Variants in EPHA6 observed in about 807,000 individuals in gnomAD.
EPHA6 encodes EPH receptor A6, also known as ephrin type-A receptor 6.
EPHA6 carries 50 observed loss-of-function variants against 112.0 expected under a neutral mutation model. The observed-to-expected ratio is 0.45, with a 90% CI of 0.36 to 0.56. EPHA6 has a LOEUF of 0.56. Ranked by LOEUF, EPHA6 falls within the 20% of genes least tolerant of loss-of-function variation. The pLI is 0.00. For synonymous variants in EPHA6, 529 were observed against 490.7 expected, an observed-to-expected ratio of 1.08 and a Z score of -1.03; for missense variants, 1,280 against 1,417.4, an observed-to-expected ratio of 0.90 and a Z score of 1.56.
chr3:97,325,220 C>T (rs1486095511), intron 5 of EPHA6, among the ~76,000 whole-genome samples: 1 of 152,062 alleles, frequency 6.6e-6, no homozygotes, highest in Non-Finnish European at 1.5e-5. Flanking sequence ...TAATCAAGCA[C>T]CATCGACTAT....
Position 97,187,648 on chromosome 3 carries a change from G to GAGAA in EPHA6, c.1115-38605_1115-38602dup, listed in dbSNP as rs1175135414. Among the ~76,000 whole-genome samples the GAGAA allele has an allele frequency of 4.0e-5, 5 of 124,834 alleles. 1 individual carries two copies. The highest frequency in any genetic ancestry group is 8.4e-5 in the Non-Finnish European group (5 of 59,504). The allele number at this position is 124,834 out of a possible 152,430, so 81.9% of individuals were successfully genotyped here. On this transcript the variant is annotated intron_variant, in intron 3 of 17. Coordinates refer to ENST00000389672, the MANE Select transcript of EPHA6 (RefSeq NM_001080448.3). ...GAAAGGGAAGAAAGAAAAAGAGAGA[G>GAGAA]AGAAAGAAAGAAAGGAAAGAAAGAA...
At chr3:97,660,276 A>T (rs1433158486) in intron 14 of EPHA6, among the ~76,000 whole-genome samples, 1 of 152,074 alleles carries the variant, frequency 6.6e-6, no homozygotes, top group Non-Finnish European at 1.5e-5. Context: ...TGTGAGATTA[A>T]TCTAGGTCAC....
intron 3 of EPHA6, among the ~76,000 whole-genome samples, chr3:97,072,707 A>T (rs373227061): frequency 2.0e-5 from 3 of 152,132 alleles, no homozygotes; most frequent in Admixed American, 1.3e-4. Flanking sequence ...ATAGAAAAAG[A>T]TCTTCATTGG....
At chr3:97,490,048 A>G (rs1029687352) in intron 10 of EPHA6, among the ~76,000 whole-genome samples, 1 of 152,168 alleles carries the variant, frequency 6.6e-6, no homozygotes, top group South Asian at 2.1e-4. Context: ...AAGTTGCCTC[A>G]TCATAGTCAT....
chr3:97,498,503 G>T (rs2092038046), intron 10 of EPHA6, among the ~76,000 whole-genome samples: 3 of 152,120 alleles, frequency 2.0e-5, no homozygotes, highest in Admixed American at 6.6e-5. Flanking sequence ...GGGTAGGGAA[G>T]AGAGTTAAAT....
chr3:97,018,305 G>A (rs558035309), intron 3 of EPHA6, among the ~76,000 whole-genome samples: 95 of 152,012 alleles, frequency 6.2e-4, no homozygotes, highest in African/African-American at 2.0e-3. Context: ...GTGCGGAGAC[G>A]AGAGAGTGTA....
chr3:97,580,851 A>G (rs896795178), intron 11 of EPHA6, among the ~76,000 whole-genome samples: 2 of 152,220 alleles, frequency 1.3e-5, no homozygotes, highest in African/African-American at 4.8e-5. Context: ...TTGAAACTGT[A>G]TAATGCCTGC....
At chr3:97,123,568 G>T (rs976773336) in intron 3 of EPHA6, among the ~76,000 whole-genome samples, 3 of 152,080 alleles carry the variant, frequency 2.0e-5, no homozygotes, top group Non-Finnish European at 4.4e-5. Flanking sequence ...GGTGGAGCTG[G>T]AACAGCCATT....
intron 3 of EPHA6, among the ~76,000 whole-genome samples, chr3:97,011,825 T>C (rs1364069181): frequency 6.6e-6 from 1 of 152,158 alleles, no homozygotes; most frequent in Non-Finnish European, 1.5e-5. Context: ...GTTTTCAGTG[T>C]CCATTGTTGC....
rs151302603 is a variant in EPHA6, at chr3:97,201,990, A to G, written c.1115-24274A>G. On this transcript the variant is annotated intron_variant, in intron 3 of 17. Coordinates refer to ENST00000389672, the MANE Select transcript of EPHA6 (RefSeq NM_001080448.3). ...TAGGCACTCTAATGGGCACATACAT[A>G]ACCAAACATGCTGATGATGCTGTTT... Among the ~76,000 whole-genome samples the G allele has an allele frequency of 3.4e-3, 516 of 152,222 alleles. 4 individuals are homozygous for G. The highest frequency in any genetic ancestry group is 0.011 in the African/African-American group (465 of 41,552).
rs561974386 is a variant in EPHA6, at chr3:97,323,503, A to G, written c.1606+79216A>G. On this transcript the variant is annotated intron_variant, in intron 5 of 17. Transcript: ENST00000389672. ...TGTCTAGTTAATATGTCAAATGATC[A>G]TGTTTGTATAAATTAGTACTCAGGT... Among the ~76,000 whole-genome samples the G allele has an allele frequency of 1.0e-3, 154 of 152,066 alleles. No individual in the cohort carries two copies. In the South Asian group the frequency reaches 0.013, roughly 13 times the overall value.
intron 10 of EPHA6, among the ~76,000 whole-genome samples, chr3:97,495,389 G>A (rs114903631): frequency 5.5e-4 from 84 of 151,380 alleles, no homozygotes; most frequent in African/African-American, 1.9e-3. Flanking sequence ...GGTAAAGAAT[G>A]TATATTCTAG....
chr3:97,560,725 G>GAGACATCTAAGA (rs2093177760), intron 11 of EPHA6: 1 of 151,992 alleles, frequency 6.6e-6, no homozygotes, highest in African/African-American at 2.4e-5. Flanking sequence ...TATGGACGTA[G>GAGACATCTAAGA]CATCTAAGAG....
chr3:97,222,315 T>C (rs2078231719), intron 3 of EPHA6, among the ~76,000 whole-genome samples: 1 of 152,176 alleles, frequency 6.6e-6, no homozygotes. Flanking sequence ...AATATTATAC[T>C]AAATGTTAAT....
chr3:97,714,798 C>T (rs1026074696), intron 14 of EPHA6, among the ~76,000 whole-genome samples: 4 of 152,280 alleles, frequency 2.6e-5, no homozygotes, highest in Admixed American at 6.5e-5. Context: ...GCTGCTGAAA[C>T]GAGACCACCT....
intron 5 of EPHA6, among the ~76,000 whole-genome samples, chr3:97,365,255 G>A (rs2108955076): frequency 6.6e-6 from 1 of 152,110 alleles, no homozygotes; most frequent in African/African-American, 2.4e-5. Flanking sequence ...AAAAAAAATT[G>A]GAATAAAGAG....
chr3:97,642,847 C>A (rs2094021138), intron 14 of EPHA6, among the ~76,000 whole-genome samples: 1 of 146,676 alleles, frequency 6.8e-6, no homozygotes, highest in African/African-American at 2.6e-5. Flanking sequence ...GAGAATGGAA[C>A]CAAGTTGGAA....
At chr3:97,066,592 G>T (rs912658793) in intron 3 of EPHA6, among the ~76,000 whole-genome samples, 7 of 152,124 alleles carry the variant, frequency 4.6e-5, no homozygotes, top group Non-Finnish European at 8.8e-5. Flanking sequence ...AGACCCAAGA[G>T]AAGGAGAGGT....
chr3:97,526,820 A>G (rs999401088), intron 10 of EPHA6, among the ~76,000 whole-genome samples: 2 of 152,056 alleles, frequency 1.3e-5, no homozygotes, highest in Non-Finnish European at 2.9e-5. Context: ...GGGCCCCTTC[A>G]GGACCTGCTG....
Sources: gnomAD v4.1 joint callset for allele counts (sites outside exome capture counted in the v4.1 genomes callset) on GRCh38, gnomAD v4.1.1 for gene constraint, MANE v1.5 for transcripts, NCBI Gene and HGNC (gene_info 2026-07-23, HGNC 2026-07-21) for gene names.